GRIK4: variants seen among roughly 807,000 people sequenced by gnomAD.
GRIK4 encodes glutamate ionotropic receptor kainate type subunit 4, also known as glutamate receptor ionotropic, kainate 4.
GRIK4 carries 40 observed loss-of-function variants against 104.9 expected under a neutral mutation model. The observed-to-expected ratio is 0.38, with a 90% CI of 0.30 to 0.50. The LOEUF (loss-of-function observed/expected upper bound fraction) is 0.50, where lower values mean the gene tolerates loss of function less well. GRIK4 is among the 20% of genes least tolerant of loss of function. The pLI is 0.93. For missense variants in GRIK4, 1,047 were observed against 1,308.1 expected (o/e 0.80, Z 3.08); for synonymous variants, 485 against 524.9 (o/e 0.92, Z 1.04).
At chr11:120,745,204 T>C (rs1159074793) in intron 3 of GRIK4, among the ~76,000 whole-genome samples, 1 of 152,050 alleles carries the variant, frequency 6.6e-6, no homozygotes, top group Non-Finnish European at 1.5e-5. Flanking sequence ...CCGGCCAGAG[T>C]CCACTGGACA....
intron 3 of GRIK4, among the ~76,000 whole-genome samples, chr11:120,667,505 C>T (rs188765900): frequency 1.1e-4 from 17 of 152,376 alleles, no homozygotes; most frequent in African/African-American, 2.9e-4. Context: ...CTCACAGCCT[C>T]GCGGCTCGTC....
chr11:120,970,761 T>A (rs1203565408), intron 19 of GRIK4, among the ~76,000 whole-genome samples: 1 of 152,078 alleles, frequency 6.6e-6, no homozygotes, highest in Non-Finnish European at 1.5e-5. Context: ...CTTTTGTTCA[T>A]CCCTCCCCAC....
Position 120,856,049 on chromosome 11 carries a change from A to G in GRIK4, c.745-5910A>G, listed in dbSNP as rs138927800. Among the ~76,000 whole-genome samples the G allele has an allele frequency of 3.5e-4, 53 of 152,332 alleles. No individual in the cohort carries two copies. The East Asian group carries it at 9.3e-3, about 27-fold the overall frequency. On this transcript the variant is annotated intron_variant, in intron 8 of 20. Coordinates refer to ENST00000527524, the MANE Select transcript of GRIK4 (RefSeq NM_014619.5). ...TTGGGGCAGTGCACCCACTTTGGTG[A>G]CACCGGCAGCACGGAGGATGGATTG...
intron 1 of GRIK4, among the ~76,000 whole-genome samples, chr11:120,642,914 C>T (rs1320766256): frequency 1.3e-5 from 2 of 152,196 alleles, no homozygotes; most frequent in Non-Finnish European, 2.9e-5. Context: ...GCACTTCCCC[C>T]AGTAGAAACA....
chr11:120,522,152 C>T (rs1947803116), intron 1 of GRIK4, among the ~76,000 whole-genome samples: 1 of 152,190 alleles, frequency 6.6e-6, no homozygotes, highest in Non-Finnish European at 1.5e-5. Context: ...CTGGAGTGAT[C>T]CTAAGGCAGG....
At chr11:120,619,854 A>G (rs570194548) in intron 1 of GRIK4, 22 of 199,116 alleles carry the variant, frequency 1.1e-4, no homozygotes, top group Middle Eastern at 1.7e-3. Context: ...TTTCATCATA[A>G]ATTACCCAGT....
chr11:120,828,442 A>G (rs1953327720), intron 6 of GRIK4, among the ~76,000 whole-genome samples: 1 of 152,080 alleles, frequency 6.6e-6, no homozygotes, highest in Non-Finnish European at 1.5e-5. Context: ...AGATGGGGTA[A>G]AGGGTAGTTG....
At chr11:120,523,899 T>C (rs1258428898) in intron 1 of GRIK4, among the ~76,000 whole-genome samples, 1 of 150,626 alleles carries the variant, frequency 6.6e-6, no homozygotes, top group Non-Finnish European at 1.5e-5. Context: ...CGGGTTCCAT[T>C]GCACAGGGAC....
rs577003534 is a variant in GRIK4, at chr11:120,513,302, C to T, written c.-159+1415C>T. Among the ~76,000 whole-genome samples the T allele has an allele frequency of 7.2e-5, 11 of 152,250 alleles. No homozygotes were observed. The East Asian group carries it at 1.4e-3, about 19-fold the overall frequency. On this transcript the variant is annotated intron_variant, in intron 1 of 20. Transcript: ENST00000527524. The surrounding 1 kb of genome is among the most constrained non-coding windows in gnomAD (Gnocchi z 4.5). ...CACTTCTAGGAGCACCGGGAAACTG[C>T]GGGCGTGGTATCTCCGGGGAGAGAG... is the stretch of plus-strand genomic sequence containing the variant.
At chr11:120,709,431 C>A (rs181026138) in intron 3 of GRIK4, among the ~76,000 whole-genome samples, 1 of 152,254 alleles carries the variant, frequency 6.6e-6, no homozygotes, top group East Asian at 1.9e-4. Flanking sequence ...GGACTAAGTT[C>A]TGTCATCTGA....
chr11:120,730,564 C>T (rs558498479), intron 3 of GRIK4, among the ~76,000 whole-genome samples: 1 of 141,608 alleles, frequency 7.1e-6, no homozygotes, highest in East Asian at 2.0e-4. Context: ...TTTTGTGGTT[C>T]CATATACATT....
intron 4 of GRIK4, among the ~76,000 whole-genome samples, chr11:120,814,262 G>A (rs1256236851): frequency 2.0e-5 from 3 of 152,196 alleles, no homozygotes; most frequent in African/African-American, 7.2e-5. Flanking sequence ...CTAGAGGTAT[G>A]AACCCCAGGC....
intron 3 of GRIK4, among the ~76,000 whole-genome samples, chr11:120,797,286 G>A (rs1952538641): frequency 1.3e-5 from 2 of 152,170 alleles, no homozygotes; most frequent in African/African-American, 2.4e-5. Flanking sequence ...AGGGCTGGAG[G>A]ATGTGCCGTA....
intron 3 of GRIK4, among the ~76,000 whole-genome samples, chr11:120,693,164 G>A (rs1424226472): frequency 1.3e-5 from 2 of 151,824 alleles, no homozygotes; most frequent in African/African-American, 2.4e-5. Flanking sequence ...GAGTGCAGTG[G>A]TGCAATCTTG....
At chr11:120,635,448 C>T (rs1949385763) in intron 1 of GRIK4, among the ~76,000 whole-genome samples, 1 of 152,194 alleles carries the variant, frequency 6.6e-6, no homozygotes, top group Non-Finnish European at 1.5e-5. Context: ...TTGGAGAGTG[C>T]CCCCAGCCCC....
intron 3 of GRIK4, among the ~76,000 whole-genome samples, chr11:120,661,711 G>A (rs1424446446): frequency 2.0e-5 from 3 of 152,144 alleles, no homozygotes; most frequent in African/African-American, 4.8e-5. Flanking sequence ...GAGCTGCTTC[G>A]TTTTACCTTG....
chr11:120,523,593 T>C (rs1947821633), intron 1 of GRIK4, among the ~76,000 whole-genome samples: 1 of 152,122 alleles, frequency 6.6e-6, no homozygotes, highest in African/African-American at 2.4e-5. Context: ...GTCTTATTAG[T>C]CCCATTGGAC....
intron 7 of GRIK4, among the ~76,000 whole-genome samples, chr11:120,833,261 CTCTT>C (rs992316649): frequency 6.8e-6 from 1 of 146,492 alleles, no homozygotes; most frequent in African/African-American, 2.6e-5. Context: ...TTATCTCTCT[CTCTT>C]TCTTTCTCTC....
intron 1 of GRIK4, among the ~76,000 whole-genome samples, chr11:120,528,056 C>A (rs118089075): frequency 6.6e-6 from 1 of 152,214 alleles, no homozygotes. Flanking sequence ...CTCGATCTCC[C>A]GGGCTCAGCC....
Sources: gnomAD v4.1 joint callset for allele counts (sites outside exome capture counted in the v4.1 genomes callset) on GRCh38, gnomAD v4.1.1 for gene constraint, Gnocchi (gnomAD v3.1) non-coding constraint, MANE v1.5 for transcripts, NCBI Gene and HGNC (gene_info 2026-07-23, HGNC 2026-07-21) for gene names.